Variants in RERE observed in about 807,000 individuals in gnomAD.
RERE encodes the protein arginine-glutamic acid dipeptide repeats protein.
RERE carries 40 observed loss-of-function variants against 146.1 expected under a neutral mutation model. The ratio of observed to expected loss-of-function variants is 0.27; its 90% CI spans 0.21 to 0.36. The LOEUF (loss-of-function observed/expected upper bound fraction) is 0.36. Ranked by LOEUF, RERE falls within the 10% of genes least tolerant of loss-of-function variation. The probability of loss-of-function intolerance (pLI) is 1.00; values close to 1 mark genes in which losing one functional copy is unlikely to be tolerated. For missense variants in RERE, 1,933 were observed against 2,138.7 expected (o/e 0.90, Z 1.90); for synonymous variants, 1,003 against 866.0 (o/e 1.16, Z -2.78).
At chr1:8,357,203 C>T (rs1267340279) in intron 20 of RERE, among the ~76,000 whole-genome samples, 2 of 152,262 alleles carry the variant, frequency 1.3e-5, no homozygotes, top group African/African-American at 4.8e-5. Flanking sequence ...CTGTGCCTGG[C>T]ACATTCCAGG....
At chr1:8,683,031 C>CAAAAAAAAAA (rs71580039) in intron 1 of RERE, among the ~76,000 whole-genome samples, 1 of 65,728 alleles carries the variant, frequency 1.5e-5, no homozygotes, top group Non-Finnish European at 2.6e-5. Flanking sequence ...CTGTCTTTAC[C>CAAAAAAAAAA]AAAAAAAAAA....
intron 2 of RERE, among the ~76,000 whole-genome samples, chr1:8,655,682 C>CA (rs1233963248): frequency 3.3e-5 from 5 of 151,966 alleles, no homozygotes; most frequent in Admixed American, 1.3e-4. Flanking sequence ...ATTCAAAAGA[C>CA]AAAAAAATAC....
intron 10 of RERE, among the ~76,000 whole-genome samples, chr1:8,470,521 G>A (rs147030850): frequency 0.013 from 2,019 of 152,220 alleles, 45 homozygotes; most frequent in African/African-American, 0.047. Flanking sequence ...CCAAAGTGCT[G>A]GGATTACAGG....
intron 1 of RERE, chr1:8,750,439 T>C (rs1270658911): frequency 3.7e-6 from 3 of 820,362 alleles, no homozygotes; most frequent in African/African-American, 3.4e-5. Context: ...CCATGGAGGG[T>C]GTTGAAGAGA....
chr1:8,464,133 A>C (rs301785), intron 11 of RERE, among the ~76,000 whole-genome samples: 129,764 of 152,206 alleles, frequency 0.85, 55,704 homozygotes, highest in East Asian at 0.94. Flanking sequence ...CTTTAATAAT[A>C]ACGTTAAGAT....
intron 17 of RERE, 126 bp from the exon 18 acceptor site, chr1:8,361,616 A>C: frequency 7.1e-7 from 1 of 1,406,986 alleles, no homozygotes; most frequent in South Asian, 1.2e-5. Flanking sequence ...CCGGGACCAC[A>C]GGTCGTGCCC....
intron 1 of RERE, among the ~76,000 whole-genome samples, chr1:8,802,569 C>A (rs1476702332): frequency 6.6e-6 from 1 of 151,842 alleles, no homozygotes; most frequent in Non-Finnish European, 1.5e-5. Context: ...CACACCAACT[C>A]CTACACCAAA....
intron 11 of RERE, among the ~76,000 whole-genome samples, chr1:8,444,130 C>T (rs1034358466): frequency 2.0e-5 from 3 of 152,214 alleles, no homozygotes. Context: ...AGGCATTCAA[C>T]TCCAATTTGC....
chr1:8,386,962 C>A (rs1004805544), intron 12 of RERE, among the ~76,000 whole-genome samples: 2 of 152,084 alleles, frequency 1.3e-5, no homozygotes, highest in African/African-American at 2.4e-5. Flanking sequence ...ATTCAAAATC[C>A]CAGCTGGTTA....
intron 12 of RERE, among the ~76,000 whole-genome samples, chr1:8,412,696 C>A (rs188942833): frequency 6.6e-6 from 1 of 152,200 alleles, no homozygotes; most frequent in Non-Finnish European, 1.5e-5. Flanking sequence ...AGAACCGCTG[C>A]GCAAACAGGA....
chr1:8,547,818 G>A (rs555790007), intron 6 of RERE, among the ~76,000 whole-genome samples: 61 of 152,268 alleles, frequency 4.0e-4, no homozygotes, highest in African/African-American at 1.0e-3. Context: ...GTAACAAACC[G>A]CATAGGCATA....
At chr1:8,709,288 T>TC (rs1388151993) in intron 1 of RERE, among the ~76,000 whole-genome samples, 1 of 151,686 alleles carries the variant, frequency 6.6e-6, no homozygotes, top group Non-Finnish European at 1.5e-5. Context: ...TTTTTAATTT[T>TC]TTTTTTTCTT....
chr1:8,791,362 A>G (rs1641360621), intron 1 of RERE, among the ~76,000 whole-genome samples: 1 of 152,154 alleles, frequency 6.6e-6, no homozygotes, highest in East Asian at 1.9e-4. Flanking sequence ...GGTTTTTTTC[A>G]TATCTGTTCC....
Position 8,361,008 on chromosome 1 carries a change from C to G in RERE, c.2499G>C (p.Ala833=). The G allele has an allele frequency of 7.0e-7, 1 of 1,434,628 alleles. No homozygotes were observed. The highest frequency in any genetic ancestry group is 1.5e-5 in the South Asian group (1 of 67,812). 88.9% of individuals were successfully genotyped at this position (1,434,628 alleles called of 1,614,324 possible). ...HPPLQPLTGS[A]GQPSAPSHAQ... The stretch of plus-strand genomic sequence containing the variant: ...CATGAGAGGGTGCAGAAGGCTGGCC[C>G]GCCGACCCAGTCAGAGGCTGCAGCG... Residue 833 remains alanine, a synonymous_variant, in exon 18 of 23, where the codon GCG becomes GCC. Transcript: ENST00000400908.
intron 7 of RERE, 85 bp downstream of exon 7, chr1:8,541,129 A>T: frequency 1.5e-6 from 1 of 689,218 alleles, no homozygotes; most frequent in South Asian, 2.4e-5. Flanking sequence ...CAGAAGCATA[A>T]ACTACACACA....
At chr1:8,384,455 G>A (rs999969729) in intron 12 of RERE, among the ~76,000 whole-genome samples, 2 of 152,170 alleles carry the variant, frequency 1.3e-5, no homozygotes, top group African/African-American at 4.8e-5. Context: ...GAAGAGCAGG[G>A]ATCCTCTCCT....
chr1:8,535,180 G>A (rs1398847298), intron 7 of RERE, among the ~76,000 whole-genome samples: 3 of 152,128 alleles, frequency 2.0e-5, no homozygotes, highest in Admixed American at 6.5e-5. Context: ...GCAAACTGAG[G>A]GACAGGATAC....
At chr1:8,579,787 G>A (rs1261503631) in intron 4 of RERE, among the ~76,000 whole-genome samples, 1 of 152,192 alleles carries the variant, frequency 6.6e-6, no homozygotes, top group African/African-American at 2.4e-5. Flanking sequence ...GTGGCTCACC[G>A]GAGGTCAGGA....
intron 1 of RERE, among the ~76,000 whole-genome samples, chr1:8,736,748 G>A (rs1477632952): frequency 6.8e-6 from 1 of 147,782 alleles, no homozygotes; most frequent in East Asian, 2.0e-4. Context: ...TGCCCTAAGT[G>A]TCTTATTTTC....
Sources: gnomAD v4.1 joint callset for allele counts (sites outside exome capture counted in the v4.1 genomes callset) on GRCh38, gnomAD v4.1.1 for gene constraint, MANE v1.5 for transcripts, NCBI Gene and HGNC (gene_info 2026-07-23, HGNC 2026-07-21) for gene names.